RBFOX3: variants seen among roughly 807,000 people sequenced by gnomAD.
The protein encoded by RBFOX3 is RNA binding fox-1 homolog 3, also known as RNA binding protein fox-1 homolog 3.
Under a neutral mutation model 48.7 loss-of-function variants are expected in RBFOX3, and 17 were observed. That is an observed-to-expected ratio of 0.35 (90% CI 0.24 to 0.52). RBFOX3 has a LOEUF of 0.52. Among genes scored for constraint, RBFOX3 ranks in the 20% least tolerant of loss-of-function variants. The pLI is 0.94. For missense variants in RBFOX3, 382 were observed against 497.5 expected (o/e 0.77, Z 2.21); for synonymous variants, 212 against 209.5 (o/e 1.01, Z -0.10).
intron 2 of RBFOX3, among the ~76,000 whole-genome samples, chr17:79,334,933 C>T (rs2146457207): frequency 6.6e-6 from 1 of 152,374 alleles, no homozygotes; most frequent in East Asian, 1.9e-4. Flanking sequence ...TGCTGGGGGC[C>T]TTCCCTTGAC....
chr17:79,603,643 A>G (rs950674589), intron 1 of RBFOX3: 15 of 152,244 alleles, frequency 9.9e-5, no homozygotes, highest in African/African-American at 3.4e-4. Flanking sequence ...AAGCAGCCTC[A>G]TAATTATACC....
At chr17:79,653,152 G>A in the RBFOX3 span, among the ~76,000 whole-genome samples, 1 of 152,206 alleles carries the variant, frequency 6.6e-6, no homozygotes, top group Non-Finnish European at 1.5e-5. Flanking sequence ...AAGAGAATGT[G>A]CTCCACTAAG....
chr17:79,145,632 G>A (rs1290654312), intron 4 of RBFOX3, among the ~76,000 whole-genome samples: 2 of 152,250 alleles, frequency 1.3e-5, no homozygotes, highest in African/African-American at 2.4e-5. Flanking sequence ...GGCCCCGCAT[G>A]TGGTGGCAGC....
intron 2 of RBFOX3, among the ~76,000 whole-genome samples, chr17:79,334,984 A>G (rs2146458797): frequency 6.6e-6 from 1 of 152,260 alleles, no homozygotes; most frequent in Admixed American, 6.5e-5. Flanking sequence ...CTGCCAGGGA[A>G]CCCTCTCTTA....
chr17:79,534,648 T>A (rs1260885793), intron 1 of RBFOX3, among the ~76,000 whole-genome samples: 1 of 151,744 alleles, frequency 6.6e-6, no homozygotes. Flanking sequence ...TTCCTGGGGG[T>A]AGAACCAATG....
At chr17:79,301,738 G>T (rs1467045864) in intron 3 of RBFOX3, among the ~76,000 whole-genome samples, 1 of 152,192 alleles carries the variant, frequency 6.6e-6, no homozygotes, top group Non-Finnish European at 1.5e-5. Flanking sequence ...GCAGAATGCG[G>T]TTCCCCCACC....
intron 4 of RBFOX3, among the ~76,000 whole-genome samples, chr17:79,129,854 C>T (rs2038358042): frequency 6.6e-6 from 1 of 152,194 alleles, no homozygotes; most frequent in Non-Finnish European, 1.5e-5. Context: ...GACACCCCAG[C>T]CCATGCCAGG....
chr17:79,285,551 C>G (rs1016589066), intron 3 of RBFOX3, among the ~76,000 whole-genome samples: 1 of 152,206 alleles, frequency 6.6e-6, no homozygotes, highest in African/African-American at 2.4e-5. Context: ...TATTGAAATG[C>G]ACTAGAGAAG....
At chr17:79,095,120 G>A (rs1181126334) in intron 13 of RBFOX3, among the ~76,000 whole-genome samples, 3 of 152,158 alleles carry the variant, frequency 2.0e-5, no homozygotes, top group Non-Finnish European at 4.4e-5. Flanking sequence ...CCAGACCAGA[G>A]TGGTGGAGCT....
At chr17:79,450,080 C>A (rs1641852790) in intron 2 of RBFOX3, among the ~76,000 whole-genome samples, 1 of 151,422 alleles carries the variant, frequency 6.6e-6, no homozygotes, top group South Asian at 2.1e-4. Context: ...GTTTCTAACA[C>A]CTGACATACA....
intron 2 of RBFOX3, among the ~76,000 whole-genome samples, chr17:79,476,757 G>T (rs1044476215): frequency 6.6e-6 from 1 of 152,140 alleles, no homozygotes; most frequent in South Asian, 2.1e-4. Flanking sequence ...GAATTAGGGG[G>T]TCTGGAAAAG....
intron 1 of RBFOX3, among the ~76,000 whole-genome samples, chr17:79,507,404 A>G (rs2083322853): frequency 6.6e-6 from 1 of 152,268 alleles, no homozygotes; most frequent in Admixed American, 6.5e-5. Context: ...TTTGGCGTCC[A>G]TGGGGGCGCC....
intron 2 of RBFOX3, among the ~76,000 whole-genome samples, chr17:79,405,860 GC>G (rs2063475904): frequency 6.6e-6 from 1 of 152,116 alleles, no homozygotes; most frequent in African/African-American, 2.4e-5. Flanking sequence ...CCCACCTCCA[GC>G]CCCCAGGGCA....
At chr17:79,244,742 T>G (rs959527279) in intron 3 of RBFOX3, among the ~76,000 whole-genome samples, 9 of 83,916 alleles carry the variant, frequency 1.1e-4, no homozygotes, top group Non-Finnish European at 2.2e-4. Context: ...CTCCCATTCC[T>G]TTCCTTCCTT....
At chr17:79,607,207 C>A (rs937485388) in intron 1 of RBFOX3, among the ~76,000 whole-genome samples, 1 of 152,058 alleles carries the variant, frequency 6.6e-6, no homozygotes. Context: ...AACCAACAAA[C>A]GGGTCTCTGT....
At position 79,249,223 on chromosome 17, in the gene RBFOX3, G is replaced by T. The variant is rs78325479; in HGVS notation, c.-73-13418C>A. On this transcript the variant is annotated intron_variant, in intron 3 of 14. Transcript: ENST00000693108. The surrounding 1 kb of genome is among the most constrained non-coding windows in gnomAD (Gnocchi z 4.1). ...CTTGCTGGGGCGTCGAAAGCCAAGCGCGCTCAGGTCTTCAAAGCCACCGTT... is the reference window on the plus strand; with the variant it reads ...CTTGCTGGGGCGTCGAAAGCCAAGCTCGCTCAGGTCTTCAAAGCCACCGTT... Among the ~76,000 whole-genome samples the T allele has an allele frequency of 6.6e-6, 1 of 152,078 alleles. No individual in the cohort carries two copies. Among genetic ancestry groups the T allele is most frequent in the South Asian group, 2.1e-4 (1 of 4,824 alleles).
At chr17:79,270,110 G>T (rs2143619516) in intron 3 of RBFOX3, among the ~76,000 whole-genome samples, 1 of 152,200 alleles carries the variant, frequency 6.6e-6, no homozygotes, top group African/African-American at 2.4e-5. Flanking sequence ...CCACCCTCCT[G>T]GTTCTCCTCC....
At chr17:79,552,332 AAAC>A (rs2091233726) in intron 1 of RBFOX3, among the ~76,000 whole-genome samples, 1 of 152,234 alleles carries the variant, frequency 6.6e-6, no homozygotes, top group Non-Finnish European at 1.5e-5. Context: ...ATGAAAAGTT[AAAC>A]AATAAATGAC....
intron 1 of RBFOX3, among the ~76,000 whole-genome samples, chr17:79,576,793 T>C (rs2092878160): frequency 6.6e-6 from 1 of 152,014 alleles, no homozygotes; most frequent in Non-Finnish European, 1.5e-5. Flanking sequence ...ATGGAAATGA[T>C]GGAGATCATG....
Sources: allele counts gnomAD v4.1 joint callset (sites outside exome capture counted in the v4.1 genomes callset), GRCh38; gene constraint gnomAD v4.1.1; non-coding constraint Gnocchi (gnomAD v3.1); transcripts MANE v1.5; gene names NCBI Gene and HGNC (gene_info 2026-07-23, HGNC 2026-07-21).